GUCY1A1: variants seen among roughly 807,000 people sequenced by gnomAD.
GUCY1A1 encodes guanylate cyclase soluble subunit alpha-1.
A neutral mutation model predicts 64.5 loss-of-function variants in GUCY1A1; 48 were observed. The ratio of observed to expected loss-of-function variants is 0.74; its 90% CI spans 0.59 to 0.95. The LOEUF (loss-of-function observed/expected upper bound fraction) is 0.95, where lower values mean the gene tolerates loss of function less well. Among genes scored for constraint, GUCY1A1 ranks in the 40% least tolerant of loss-of-function variants. GUCY1A1 has a pLI of 0.00. For missense variants in GUCY1A1, 804 were observed against 825.3 expected (o/e 0.97, Z 0.32); for synonymous variants, 308 against 303.4 (o/e 1.02, Z -0.16).
At chr4:155,695,074 T>C in intron 2 of GUCY1A1, among the ~76,000 whole-genome samples, 1 of 152,222 alleles carries the variant, frequency 6.6e-6, no homozygotes, top group Admixed American at 6.5e-5. Flanking sequence ...TTCTTGAAGT[T>C]CCATAAATTA....
chr4:155,677,973 T>G (rs1735191809), intron 2 of GUCY1A1, among the ~76,000 whole-genome samples: 1 of 152,050 alleles, frequency 6.6e-6, no homozygotes, highest in African/African-American at 2.4e-5. Context: ...TTCTTATGTT[T>G]ACATTTAAGA....
At chr4:155,681,034 C>T (rs1405510133) in intron 2 of GUCY1A1, among the ~76,000 whole-genome samples, 1 of 152,120 alleles carries the variant, frequency 6.6e-6, no homozygotes, top group African/African-American at 2.4e-5. Flanking sequence ...ATTGCAATGG[C>T]TAGGACCTAA....
At chr4:155,728,218 G>A (rs761043394) in intron 9 of GUCY1A1, among the ~76,000 whole-genome samples, 1 of 151,828 alleles carries the variant, frequency 6.6e-6, no homozygotes, top group Non-Finnish European at 1.5e-5. Flanking sequence ...GTGGTTTGCT[G>A]GTAAACCAGC....
chr4:155,698,282 A>G (rs1730667809), intron 3 of GUCY1A1, among the ~76,000 whole-genome samples: 2 of 152,218 alleles, frequency 1.3e-5, no homozygotes. Flanking sequence ...TTTATTTCAG[A>G]TATAATATTA....
At chr4:155,681,329 T>A (rs1033650783) in intron 2 of GUCY1A1, among the ~76,000 whole-genome samples, 1 of 152,180 alleles carries the variant, frequency 6.6e-6, no homozygotes, top group Non-Finnish European at 1.5e-5. Flanking sequence ...TAAGTATTTC[T>A]ATTTACAGAA....
chr4:155,707,103 T>C (rs1731881150), intron 4 of GUCY1A1, among the ~76,000 whole-genome samples: 2 of 152,214 alleles, frequency 1.3e-5, no homozygotes, highest in Admixed American at 1.3e-4. Flanking sequence ...GTATTTGCTT[T>C]AGGAAAATAT....
chr4:155,709,477 G>A (rs1732253670), intron 5 of GUCY1A1, among the ~76,000 whole-genome samples: 1 of 152,070 alleles, frequency 6.6e-6, no homozygotes, highest in African/African-American at 2.4e-5. Context: ...TAACTGATTT[G>A]TGGAGTGACT....
chr4:155,688,547 G>A (rs147047767), intron 2 of GUCY1A1, among the ~76,000 whole-genome samples: 173 of 152,260 alleles, frequency 1.1e-3, no homozygotes, highest in African/African-American at 3.8e-3. Context: ...ACTCTGTGGA[G>A]TCTCAGAAAA....
Position 155,717,178 on chromosome 4 carries a change from C to T in GUCY1A1, c.1592C>T (p.Ala531Val), listed in dbSNP as rs558998681. ...DVYKVETIGDAYCVAGGLHKE... is the reference protein window; with the variant it reads ...DVYKVETIGDVYCVAGGLHKE... ...GTCTAGGTGGAGACCATTGGCGATG[C>T]CTATTGTGTAGCTGGGGGATTACAC... The change falls in exon 8 of 10, where the codon GCC (alanine) becomes GTC (valine). Residue 531 changes from alanine to valine, a missense_variant. Ala to Val is a moderately conservative substitution (Grantham distance 64). Transcript: ENST00000506455. 3 of 1,515,478 alleles carry T rather than the reference C, an allele frequency of 2.0e-6. No individual in the cohort carries two copies. Among genetic ancestry groups the T allele is most frequent in the South Asian group, 1.3e-5 (1 of 76,218 alleles). 93.9% of individuals were successfully genotyped at this position (1,515,478 alleles called of 1,614,324 possible). A position where few individuals can be genotyped will look rare whatever the true frequency, so the allele number is the denominator to read the frequency against.
chr4:155,718,017 G>A (rs951717658), intron 8 of GUCY1A1, among the ~76,000 whole-genome samples: 42 of 152,138 alleles, frequency 2.8e-4, no homozygotes, highest in African/African-American at 9.7e-4. Flanking sequence ...TATTTTCCAA[G>A]GCACGTGACA....
intron 9 of GUCY1A1, chr4:155,722,502 C>T: frequency 9.6e-7 from 1 of 1,047,026 alleles, no homozygotes; most frequent in Non-Finnish European, 1.2e-6. Context: ...CTGACATCAA[C>T]TAGTACACTG....
At chr4:155,677,448 A>C (rs1463660235) in intron 2 of GUCY1A1, among the ~76,000 whole-genome samples, 5 of 152,208 alleles carry the variant, frequency 3.3e-5, no homozygotes, top group Middle Eastern at 3.2e-3. Context: ...GGAAGTTTTA[A>C]GTATTGGATA....
At chr4:155,694,763 T>C (rs1383280306) in intron 2 of GUCY1A1, among the ~76,000 whole-genome samples, 2 of 152,328 alleles carry the variant, frequency 1.3e-5, no homozygotes, top group Admixed American at 6.5e-5. Context: ...TTAAAGCACT[T>C]TTAAAGCTTA....
intron 1 of GUCY1A1, 77 bp from the exon 2 acceptor site, chr4:155,667,269 A>C (rs1733434598): frequency 6.6e-6 from 1 of 152,122 alleles, no homozygotes; most frequent in Non-Finnish European, 1.5e-5. Flanking sequence ...GCGGGGACCG[A>C]CAGGTGCCAC....
chr4:155,674,896 C>T (rs560953627), intron 2 of GUCY1A1, among the ~76,000 whole-genome samples: 7 of 151,406 alleles, frequency 4.6e-5, no homozygotes, highest in Non-Finnish European at 1.0e-4. Flanking sequence ...TTTTATATAC[C>T]GTAGGTAATT....
intron 3 of GUCY1A1, among the ~76,000 whole-genome samples, chr4:155,702,881 A>G (rs986610917): frequency 1.3e-5 from 2 of 152,042 alleles, no homozygotes; most frequent in Admixed American, 1.3e-4. Context: ...TTTTTAAGGA[A>G]AAAGGAATTT....
At chr4:155,709,035 T>C (rs1428172662) in intron 5 of GUCY1A1, among the ~76,000 whole-genome samples, 1 of 152,176 alleles carries the variant, frequency 6.6e-6, no homozygotes, top group African/African-American at 2.4e-5. Flanking sequence ...TTGTAGGGCA[T>C]TTTGCCAACA....
intron 9 of GUCY1A1, among the ~76,000 whole-genome samples, chr4:155,728,243 T>C (rs1271742365): frequency 6.6e-6 from 1 of 151,876 alleles, no homozygotes; most frequent in Non-Finnish European, 1.5e-5. Flanking sequence ...GAGGATGAGG[T>C]AGAGAATCCA....
At chr4:155,704,816 A>G (rs1731523159) in intron 4 of GUCY1A1, among the ~76,000 whole-genome samples, 1 of 152,144 alleles carries the variant, frequency 6.6e-6, no homozygotes, top group Admixed American at 6.5e-5. Flanking sequence ...TCCTGGGCTC[A>G]GGCCATCCTT....
Sources: gnomAD v4.1 joint callset for allele counts (sites outside exome capture counted in the v4.1 genomes callset) on GRCh38, gnomAD v4.1.1 for gene constraint, MANE v1.5 for transcripts, NCBI Gene and HGNC (gene_info 2026-07-23, HGNC 2026-07-21) for gene names.